ATP1A1: variants seen among roughly 807,000 people sequenced by gnomAD.
ATP1A1 encodes sodium/potassium-transporting ATPase subunit alpha-1.
ATP1A1 carries 14 observed loss-of-function variants against 114.8 expected under a neutral mutation model. That is an observed-to-expected ratio of 0.12 (90% CI 0.08 to 0.19). The LOEUF is 0.19. ATP1A1 is among the 10% of genes least tolerant of loss of function. ATP1A1 has a pLI of 1.00. For missense variants in ATP1A1, 524 were observed against 1,290.7 expected (o/e 0.41, Z 9.10); for synonymous variants, 471 against 466.3 (o/e 1.01, Z -0.13).
chr1:116,393,683 C>T lies in ATP1A1; in HGVS notation c.1620C>T (p.Asn540=), dbSNP rs138127848. ...LDEELKDAFQ[N]AYLELGGLGE... ...AGGAGCTGAAAGACGCCTTTCAGAA[C>T]GCCTATTTGGAGCTGGGGGGCCTCG... Residue 540 remains asparagine (N), a synonymous_variant, in exon 12 of 23, where the codon AAC becomes AAT. Coordinates refer to ENST00000295598, the MANE Select transcript of ATP1A1 (RefSeq NM_000701.8). This position sits in a 1 kb window ranked among gnomAD's most constrained non-coding sequence, Gnocchi z 5.0. 1.6e-5 allele frequency: 26 copies of T among 1,613,898 alleles called. No individual in the cohort carries two copies. Among genetic ancestry groups the T allele is most frequent in the Middle Eastern group, 3.4e-4 (2 of 5,968 alleles).
Position 116,388,148 on chromosome 1 carries a change from G to T in ATP1A1, c.405G>T (p.Val135=). ...PQNDNLYLGV[V]LSAVVIITGC... ...CCTTCCAGCTGTACCTGGGTGTGGT[G>T]CTATCAGCCGTTGTAATCATAACTG... Residue 135 remains valine, a synonymous_variant, in exon 5 of 23, where the codon GTG becomes GTT. Coordinates refer to ENST00000295598, the MANE Select transcript of ATP1A1 (RefSeq NM_000701.8). This position sits in a 1 kb window ranked among gnomAD's most constrained non-coding sequence, Gnocchi z 5.6. 1.2e-6 allele frequency: 2 copies of T among 1,613,788 alleles called. No homozygotes were observed.
intron 1 of ATP1A1, chr1:116,374,121 C>G: frequency 1.3e-6 from 2 of 1,540,712 alleles, no homozygotes; most frequent in African/African-American, 2.7e-5. Context: ...GCTTAGCTTG[C>G]TCCGCGCAGA....
At position 116,401,032 on chromosome 1, in the gene ATP1A1, AGTG is replaced by A; in HGVS notation, c.2718+27_2718+29del. The A allele has an allele frequency of 6.2e-6, 10 of 1,613,872 alleles. No individual in the cohort carries two copies. The highest frequency in any genetic ancestry group is 8.5e-6 in the Non-Finnish European group (10 of 1,179,740). ...GTGAGTGGGCACCTCTGACCTGACC[AGTG>A]TCAGAGCTCCTCAAGCCCCAGAAGA... On this transcript the variant is annotated intron_variant, in intron 19 of 22. Transcript: ENST00000295598. The surrounding 1 kb of genome is among the most constrained non-coding windows in gnomAD (Gnocchi z 4.7).
chr1:116,376,688 C>T (rs1651396324), intron 1 of ATP1A1, among the ~76,000 whole-genome samples: 1 of 152,084 alleles, frequency 6.6e-6, no homozygotes, highest in Non-Finnish European at 1.5e-5. Context: ...AGTGACTCAC[C>T]TTCGGGTGGG....
At chr1:116,373,666 T>C (rs1291603566) in intron 1 of ATP1A1, 143 bp downstream of exon 1, 7 of 1,086,446 alleles carry the variant, frequency 6.4e-6, no homozygotes, top group South Asian at 4.1e-5. Context: ...GCCGCGCGGC[T>C]TAAAAGACGA....
intron 21 of ATP1A1, among the ~76,000 whole-genome samples, chr1:116,402,754 C>T (rs1653607066): frequency 6.6e-6 from 1 of 152,242 alleles, no homozygotes; most frequent in Admixed American, 6.5e-5. Context: ...TCCTGATAGT[C>T]CCTTCAGGGC....
In ATP1A1 at chr1:116,388,034, C is replaced by A; in HGVS notation, c.388-97C>A. On this transcript the variant is annotated intron_variant, in intron 4 of 22. Coordinates refer to ENST00000295598, the MANE Select transcript of ATP1A1 (RefSeq NM_000701.8). This position sits in a 1 kb window ranked among gnomAD's most constrained non-coding sequence, Gnocchi z 5.6. Reference sequence around the variant, plus strand: ...CTATATTTCTGAAATCTTGGTTTCTCTATTAAAAATCTGTTTTTTATTCAG... The same window carrying A: ...CTATATTTCTGAAATCTTGGTTTCTATATTAAAAATCTGTTTTTTATTCAG... 1.3e-6 allele frequency: 1 copy of A among 769,022 alleles called. No individual in the cohort carries two copies. Among genetic ancestry groups the A allele is most frequent in the Non-Finnish European group, 2.2e-6 (1 of 462,432 alleles). 47.6% of individuals were successfully genotyped at this position (769,022 alleles called of 1,614,324 possible). A position where few individuals can be genotyped will look rare whatever the true frequency, so the allele number is the denominator to read the frequency against.
In ATP1A1 at chr1:116,399,558, G is replaced by C; in HGVS notation, c.2572+15G>C. 1 of 1,613,608 alleles carries C rather than the reference G, an allele frequency of 6.2e-7. No individual in the cohort carries two copies. The highest frequency in any genetic ancestry group is 1.7e-5 in the Admixed American group (1 of 59,940). ...TGGGCAGATTGGTAAGCTGCAGCCT[G>C]GAGTGGGAAGCTGGCACATCTAAGG... is the stretch of plus-strand genomic sequence containing the variant. On this transcript the variant is annotated intron_variant, in intron 18 of 22. Coordinates refer to ENST00000295598, the MANE Select transcript of ATP1A1 (RefSeq NM_000701.8). The surrounding 1 kb of genome is among the most constrained non-coding windows in gnomAD (Gnocchi z 5.0).
rs201896214 is a variant in ATP1A1, at chr1:116,393,037, A to G, written c.1467+49A>G. 2.5e-6 allele frequency: 4 copies of G among 1,606,496 alleles called. No homozygotes were observed. Among genetic ancestry groups the G allele is most frequent in the Non-Finnish European group, 3.4e-6 (4 of 1,175,698 alleles). ...GAGGGCGAGGGCAAGCTGGGGGACA[A>G]AGAGGGGAGGTACATGAGCAGGAAG... is the stretch of plus-strand genomic sequence containing the variant. On this transcript the variant is annotated intron_variant, in intron 11 of 22. Coordinates refer to ENST00000295598, the MANE Select transcript of ATP1A1 (RefSeq NM_000701.8). The surrounding 1 kb of genome is among the most constrained non-coding windows in gnomAD (Gnocchi z 5.0).
chr1:116,380,278 A>T (rs1651657855), intron 1 of ATP1A1, among the ~76,000 whole-genome samples: 1 of 152,234 alleles, frequency 6.6e-6, no homozygotes, highest in Non-Finnish European at 1.5e-5. Flanking sequence ...TCTGGAGGGA[A>T]TGGTGGGTCT....
At position 116,387,887 on chromosome 1, in the gene ATP1A1, AG is replaced by A. The variant is rs1449907275; in HGVS notation, c.388-243del. ...AACAATCTTTGTTTTATAAAGCAGG[AG>A]AAACTGATGCATCTAGAACCTTTCC... On this transcript the variant is annotated intron_variant, in intron 4 of 22. Coordinates refer to ENST00000295598, the MANE Select transcript of ATP1A1 (RefSeq NM_000701.8). This position sits in a 1 kb window ranked among gnomAD's most constrained non-coding sequence, Gnocchi z 6.7. Among the ~76,000 whole-genome samples the A allele has an allele frequency of 6.6e-6, 1 of 152,236 alleles. No individual in the cohort carries two copies. The highest frequency in any genetic ancestry group is 6.5e-5 in the Admixed American group (1 of 15,288).
intron 9 of ATP1A1, 65 bp downstream of exon 9, chr1:116,390,476 G>A (rs1019278200): frequency 5.1e-6 from 7 of 1,376,196 alleles, no homozygotes; most frequent in Non-Finnish European, 6.9e-6. Flanking sequence ...TTTCTTTTAA[G>A]AAATTGCATG....
In ATP1A1 at chr1:116,387,954, C is replaced by T. The variant is rs1055499358; in HGVS notation, c.388-177C>T. On this transcript the variant is annotated intron_variant, in intron 4 of 22. Transcript: ENST00000295598. The surrounding 1 kb of genome is among the most constrained non-coding windows in gnomAD (Gnocchi z 6.7). Reference sequence around the variant, plus strand: ...GATCAAGTGTTGGTGTGCCTGACTCCATTTCTGACCCTTCCTGTGTGGTCT... The same window carrying T: ...GATCAAGTGTTGGTGTGCCTGACTCTATTTCTGACCCTTCCTGTGTGGTCT... Among the ~76,000 whole-genome samples, 1 of 152,238 alleles carries T rather than the reference C, an allele frequency of 6.6e-6. No homozygotes were observed.
At chr1:116,390,983 GTGTGAC>G (rs1175669489) in intron 10 of ATP1A1, 92 bp downstream of exon 10, 1 of 1,111,486 alleles carries the variant, frequency 9.0e-7, no homozygotes, top group Non-Finnish European at 1.4e-6. Flanking sequence ...TTTGTGGTCT[GTGTGAC>G]TGTTCACTGT....
In ATP1A1 at chr1:116,395,228, C is replaced by T; in HGVS notation, c.1779C>T (p.Asp593=). Reference sequence around the variant, plus strand: ...TTGTTGGGCTCATCTCCATGATTGACCCTCCACGGGCGGCCGTTCCTGATG... The same window carrying T: ...TTGTTGGGCTCATCTCCATGATTGATCCTCCACGGGCGGCCGTTCCTGATG... The part of the protein sequence containing the change: ...LCFVGLISMI[D]PPRAAVPDAV... Residue 593 remains aspartate, a synonymous_variant, in exon 13 of 23, where the codon GAC becomes GAT. Transcript: ENST00000295598. The surrounding 1 kb of genome is among the most constrained non-coding windows in gnomAD (Gnocchi z 6.4). 6.2e-7 allele frequency: 1 copy of T among 1,614,124 alleles called. No homozygotes were observed. Among genetic ancestry groups the T allele is most frequent in the Non-Finnish European group, 8.5e-7 (1 of 1,180,008 alleles).
At position 116,373,484 on chromosome 1, in the gene ATP1A1, C is replaced by T. The variant is rs1262270677; in HGVS notation, c.-28C>T. 2.6e-6 allele frequency: 4 copies of T among 1,514,708 alleles called. No individual in the cohort carries two copies. The highest frequency in any genetic ancestry group is 2.6e-6 in the Non-Finnish European group (3 of 1,132,250). The allele number at this position is 1,514,708 out of a possible 1,614,324, so 93.8% of individuals were successfully genotyped here. A position where few individuals can be genotyped will look rare whatever the true frequency, so the allele number is the denominator to read the frequency against. On this transcript the variant is annotated 5_prime_UTR_variant, in exon 1 of 23. Transcript: ENST00000295598. ...CTCTCTGATTCTCCAGCGACAGGAC[C>T]CGGCGCCGGGCACTGAGCACCGCCA...
In ATP1A1 at chr1:116,395,419, T is replaced by C; in HGVS notation, c.1836+134T>C. ...AGTATTAATTTCTCATCTCCAAAGC[T>C]TTACTTCCACCCAGAAAAGACCAGA... is the stretch of plus-strand genomic sequence containing the variant. On this transcript the variant is annotated intron_variant, in intron 13 of 22. Coordinates refer to ENST00000295598, the MANE Select transcript of ATP1A1 (RefSeq NM_000701.8). This position sits in a 1 kb window ranked among gnomAD's most constrained non-coding sequence, Gnocchi z 6.4. The C allele has an allele frequency of 1.0e-6, 1 of 983,336 alleles. No homozygotes were observed. The highest frequency in any genetic ancestry group is 1.4e-6 in the Non-Finnish European group (1 of 708,162). 60.9% of individuals were successfully genotyped at this position (983,336 alleles called of 1,614,324 possible).
chr1:116,388,143 G>A lies in ATP1A1; in HGVS notation c.400G>A (p.Val134Met). 1 of 1,613,496 alleles carries A rather than the reference G, an allele frequency of 6.2e-7. No individual in the cohort carries two copies. Among genetic ancestry groups the A allele is most frequent in the Non-Finnish European group, 8.5e-7 (1 of 1,179,514 alleles). Residue 134 changes from valine to methionine, a missense_variant, in exon 5 of 23, where the codon GTG becomes ATG. Val to Met is a conservative substitution (Grantham distance 21). Coordinates refer to ENST00000295598, the MANE Select transcript of ATP1A1 (RefSeq NM_000701.8). The surrounding 1 kb of genome is among the most constrained non-coding windows in gnomAD (Gnocchi z 5.6). ...EPQNDNLYLG[V>M]VLSAVVIITG... ...TTTTCCCTTCCAGCTGTACCTGGGT[G>A]TGGTGCTATCAGCCGTTGTAATCAT... is the stretch of plus-strand genomic sequence containing the variant.
Position 116,387,800 on chromosome 1 carries a change from G to A in ATP1A1, c.387+309G>A, listed in dbSNP as rs575103993. On this transcript the variant is annotated intron_variant, in intron 4 of 22. Transcript: ENST00000295598. The surrounding 1 kb of genome is among the most constrained non-coding windows in gnomAD (Gnocchi z 6.7). ...TGGCAGAGCACAGCGATTCATGTTG[G>A]CACATCCACCTGTCCAGAAATGCTT... 2.0e-5 allele frequency among the ~76,000 whole-genome samples: 3 copies of A among 152,330 alleles called. No individual in the cohort carries two copies. The highest frequency in any genetic ancestry group is 4.1e-4 in the South Asian group (2 of 4,832).
Sources: allele counts gnomAD v4.1 joint callset (sites outside exome capture counted in the v4.1 genomes callset), GRCh38; gene constraint gnomAD v4.1.1; non-coding constraint Gnocchi (gnomAD v3.1); transcripts MANE v1.5; gene names NCBI Gene and HGNC (gene_info 2026-07-23, HGNC 2026-07-21).